Variants in DST observed in about 807,000 individuals in gnomAD.
DST encodes dystonin.
DST carries 253 observed loss-of-function variants against 875.2 expected under a neutral mutation model. That is an observed-to-expected ratio of 0.29 (90% CI 0.26 to 0.32). DST has a LOEUF of 0.32. Among genes scored for constraint, DST ranks in the 10% least tolerant of loss-of-function variants. The probability of loss-of-function intolerance (pLI) is 1.00; values close to 1 mark genes in which losing one functional copy is unlikely to be tolerated. For synonymous variants in DST, 3,124 were observed against 3,197.1 expected, an observed-to-expected ratio of 0.98 and a Z score of 0.77; for missense variants, 8,287 against 9,111.6, an observed-to-expected ratio of 0.91 and a Z score of 3.68.
intron 93 of DST, 107 bp downstream of exon 93, chr6:56,473,766 G>C (rs2273972): frequency 2.0e-6 from 2 of 996,696 alleles, no homozygotes; most frequent in Admixed American, 5.0e-5. Flanking sequence ...ATGATATCAA[G>C]TGCTCATGTA....
intron 88 of DST, 69 bp downstream of exon 88, chr6:56,485,243 A>G (rs1215845248): frequency 6.5e-7 from 1 of 1,549,704 alleles, no homozygotes; most frequent in Non-Finnish European, 8.9e-7. Context: ...GCTAATTTAA[A>G]TGGTTTACAT....
At chr6:56,464,634 G>A in intron 100 of DST, 51 bp downstream of exon 100, 1 of 1,291,840 alleles carries the variant, frequency 7.7e-7, no homozygotes, top group Non-Finnish European at 1.1e-6. Context: ...GAATGGAAAA[G>A]TAGGAAAGAG....
chr6:56,915,650 C>T (rs1800575598), intron 2 of DST, among the ~76,000 whole-genome samples: 1 of 152,184 alleles, frequency 6.6e-6, no homozygotes, highest in Non-Finnish European at 1.5e-5. Context: ...AAAGTCCTAA[C>T]TGAGTCTATT....
rs929837978 is a variant in DST at position 56,527,531 on chromosome 6, T to C, written c.17884A>G (p.Lys5962Glu). 3.1e-6 allele frequency: 5 copies of C among 1,613,746 alleles called. No individual in the cohort carries two copies. In the African/African-American group the frequency reaches 6.7e-5, roughly 22 times the overall value. ...ELLSYETQVL[K>E]GEEASQAQMR... ...TGTGCTTGACTTGCTTCTTCTCCTT[T>C]CAGAACCTGAGTTTCATATGAAAGT... The change falls in exon 68 of 104, where the codon AAA (lysine) becomes GAA (glutamate). Residue 5962 changes from lysine to glutamate, a missense_variant. Lys to Glu is a moderately conservative substitution (Grantham distance 56). This residue lies in a region of DST where 777 missense variants were observed against 764.8 expected (regional missense o/e 1.02). Coordinates refer to ENST00000680361, the MANE Select transcript of DST (RefSeq NM_001374736.1).
intron 9 of DST, among the ~76,000 whole-genome samples, chr6:56,672,081 C>T (rs2099104561): frequency 6.6e-6 from 1 of 152,112 alleles, no homozygotes; most frequent in South Asian, 2.1e-4. Flanking sequence ...TAAAAAAAAA[C>T]TCCAAAGAAA....
chr6:56,691,769 C>T (rs2152859740), intron 9 of DST, among the ~76,000 whole-genome samples: 1 of 152,182 alleles, frequency 6.6e-6, no homozygotes, highest in Admixed American at 6.5e-5. Context: ...TTTCAAATTC[C>T]TATGGCATGC....
At chr6:56,654,901 C>T (rs1227171336) in intron 10 of DST, among the ~76,000 whole-genome samples, 1 of 152,106 alleles carries the variant, frequency 6.6e-6, no homozygotes, top group Admixed American at 6.5e-5. Context: ...TGGCTCATGC[C>T]TGTAATCCCA....
At chr6:56,849,410 C>T (rs1160795132) in intron 4 of DST, among the ~76,000 whole-genome samples, 1 of 152,196 alleles carries the variant, frequency 6.6e-6, no homozygotes, top group African/African-American at 2.4e-5. Context: ...GCTGGGATTA[C>T]AGGCATGAGC....
intron 4 of DST, among the ~76,000 whole-genome samples, chr6:56,738,308 A>T (rs1156686451): frequency 1.3e-5 from 2 of 152,168 alleles, no homozygotes; most frequent in African/African-American, 2.4e-5. Flanking sequence ...CTGAATATAA[A>T]TGCTCAGAAT....
At chr6:56,480,298 G>GA (rs1367391459) in intron 90 of DST, among the ~76,000 whole-genome samples, 1 of 152,084 alleles carries the variant, frequency 6.6e-6, no homozygotes, top group Non-Finnish European at 1.5e-5. Context: ...ATAAGGAAGA[G>GA]AAAAAAATAG....
intron 4 of DST, among the ~76,000 whole-genome samples, chr6:56,775,743 G>A (rs901821028): frequency 6.6e-6 from 1 of 152,152 alleles, no homozygotes; most frequent in African/African-American, 2.4e-5. Flanking sequence ...GCCAAAGCTG[G>A]AATAATTTGA....
Position 56,598,630 on chromosome 6 carries a change from T to C in DST, c.11774A>G (p.Asn3925Ser). 6.2e-7 allele frequency: 1 copy of C among 1,612,104 alleles called. No individual in the cohort carries two copies. ...ATCTTCCTGTGACAGCTTTTCACCA[T>C]TCTCTTTTAAGAAGTTCTCTGTGTT... ...VKNTENFLKE[N>S]GEKLSQEDKA... The change falls in exon 46 of 104, where the codon AAT (asparagine) becomes AGT (serine). Residue 3925 changes from asparagine to serine, a missense_variant. Around this residue, in one of 10 missense-constraint regions of DST, gnomAD observed 1,513 missense variants for 1,677.8 expected, o/e 0.90. Coordinates refer to ENST00000680361, the MANE Select transcript of DST (RefSeq NM_001374736.1).
intron 2 of DST, among the ~76,000 whole-genome samples, chr6:56,910,258 C>G (rs1798280607): frequency 6.6e-6 from 1 of 152,174 alleles, no homozygotes. Flanking sequence ...CCTAGAACTC[C>G]TGGGCTCAAG....
rs1408845257 is a variant in DST, at chr6:56,943,430, C to CT, written c.216+10354dup. 2.6e-3 allele frequency among the ~76,000 whole-genome samples: 352 copies of CT among 135,940 alleles called. 2 individuals are homozygous for CT. The highest frequency in any genetic ancestry group is 5.2e-3 in the East Asian group (24 of 4,644). The allele number at this position is 135,940 out of a possible 152,430, so 89.2% of individuals were successfully genotyped here. A position where few individuals can be genotyped will look rare whatever the true frequency, so the allele number is the denominator to read the frequency against. ...TTCAACTCATTTTCTTTTTCTTTTT[C>CT]TTTTTTTTTTTTTTGAGATAGATTT... On this transcript the variant is annotated intron_variant, in intron 2 of 103. Transcript: ENST00000680361.
Position 56,642,474 on chromosome 6 carries a change from C to G in DST, c.1808G>C (p.Arg603Thr). ...ACAGATGACACTGTCCCTCTGAACT[C>G]TGTTGGCAATCTGTTGCAACATTTC... is the stretch of plus-strand genomic sequence containing the variant. The part of the protein sequence containing the change: ...RLEMLQQIAN[R>T]VQRDSVICED... Residue 603 changes from arginine to threonine, a missense_variant, in exon 16 of 104, where the codon AGA becomes ACA. Physicochemically the swap from Arg to Thr is moderately conservative, Grantham distance 71. Around this residue, in one of 10 missense-constraint regions of DST, gnomAD observed 1,160 missense variants for 1,424.3 expected, o/e 0.81. Coordinates refer to ENST00000680361, the MANE Select transcript of DST (RefSeq NM_001374736.1). The G allele has an allele frequency of 2.5e-6, 4 of 1,613,774 alleles. No individual in the cohort carries two copies. Among genetic ancestry groups the G allele is most frequent in the Non-Finnish European group, 3.4e-6 (4 of 1,179,676 alleles).
chr6:56,508,455 C>T (rs1185585480), intron 75 of DST, 74 bp downstream of exon 75: 4 of 1,225,268 alleles, frequency 3.3e-6, no homozygotes. Context: ...TAACTCCTAA[C>T]ATTTACCCAA....
At chr6:56,670,174 A>G (rs1036845300) in intron 10 of DST, among the ~76,000 whole-genome samples, 37 of 125,792 alleles carry the variant, frequency 2.9e-4, no homozygotes, top group African/African-American at 7.4e-4. Flanking sequence ...GTGTGTGTGT[A>G]TAAGCTACAA....
rs749988996 is a variant in DST at position 56,604,409 on chromosome 6, T to C, written c.10219A>G (p.Ser3407Gly). 1.9e-6 allele frequency: 3 copies of C among 1,610,670 alleles called. No individual in the cohort carries two copies. Among genetic ancestry groups the C allele is most frequent in the Non-Finnish European group, 2.5e-6 (3 of 1,178,046 alleles). Residue 3407 changes from serine (S) to glycine (G), a missense_variant, in exon 40 of 104, where the codon AGC becomes GGC. By Grantham distance (56) the Ser-to-Gly change is moderately conservative. This residue lies in a region of DST where 3,138 missense variants were observed against 3,116.6 expected (regional missense o/e 1.01). Transcript: ENST00000680361. ...GAAGAGTCACTCATTTGAGAGTCGC[T>C]GGGCACAGTAGATGCCTCATTTACC... ...QLVNEASTVP[S>G]DSQMSDSSGV...
intron 4 of DST, among the ~76,000 whole-genome samples, chr6:56,794,903 C>T (rs1157676410): frequency 1.3e-5 from 2 of 152,092 alleles, no homozygotes; most frequent in Non-Finnish European, 2.9e-5. Flanking sequence ...CCCAGGAGTT[C>T]CCCCACTGCA....
Sources: allele counts gnomAD v4.1 joint callset (sites outside exome capture counted in the v4.1 genomes callset), GRCh38; gene constraint gnomAD v4.1.1; regional missense constraint gnomAD v4.1.1; transcripts MANE v1.5; gene names NCBI Gene and HGNC (gene_info 2026-07-23, HGNC 2026-07-21).